The following ACACB variants were observed in gnomAD, a reference collection of about 807,000 sequenced individuals.
The protein encoded by ACACB is acetyl-CoA carboxylase beta, also known as acetyl-CoA carboxylase 2.
ACACB carries 209 observed loss-of-function variants against 278.8 expected under a neutral mutation model. The ratio of observed to expected loss-of-function variants is 0.75; its 90% CI spans 0.67 to 0.84. The LOEUF (loss-of-function observed/expected upper bound fraction) is 0.84, where lower values mean the gene tolerates loss of function less well. Among genes scored for constraint, ACACB ranks in the 40% least tolerant of loss-of-function variants. The pLI is 0.00. For missense variants in ACACB, 2,850 were observed against 3,269.0 expected, an observed-to-expected ratio of 0.87 and a Z score of 3.13; for synonymous variants, 1,174 against 1,285.6, an observed-to-expected ratio of 0.91 and a Z score of 1.86.
intron 1 of ACACB, among the ~76,000 whole-genome samples, chr12:109,130,415 G>GT (rs2042793923): frequency 6.6e-6 from 1 of 152,202 alleles, no homozygotes; most frequent in Admixed American, 6.5e-5. Context: ...AAGGTGCCCG[G>GT]TGACAGTTGA....
At chr12:109,214,273 A>G (rs998504690) in intron 22 of ACACB, among the ~76,000 whole-genome samples, 1 of 152,134 alleles carries the variant, frequency 6.6e-6, no homozygotes, top group African/African-American at 2.4e-5. Context: ...ATGAAAAAGA[A>G]AAAAGGAATC....
At chr12:109,237,124 T>TACAC (rs1299460757) in intron 33 of ACACB, 41 bp from the exon 34 acceptor site, 1 of 1,600,918 alleles carries the variant, frequency 6.2e-7, no homozygotes, top group Non-Finnish European at 8.6e-7. Context: ...CGTCACGCTG[T>TACAC]GTGTGTATGT....
chr12:109,229,412 A>G (rs778828832), intron 28 of ACACB, among the ~76,000 whole-genome samples: 33 of 152,146 alleles, frequency 2.2e-4, no homozygotes, highest in Non-Finnish European at 4.0e-4. Flanking sequence ...TCCTTTCCAC[A>G]GCATTCAGGG....
intron 21 of ACACB, among the ~76,000 whole-genome samples, chr12:109,210,103 G>GTGTA (rs1565926285): frequency 2.0e-4 from 12 of 61,144 alleles, no homozygotes; most frequent in African/African-American, 7.7e-4. Flanking sequence ...ACATGTGTGT[G>GTGTA]TATATGTATA....
Position 109,130,773 on chromosome 12 carries a change from G to A in ACACB, c.-9-8624G>A, listed in dbSNP as rs12305998. Among the ~76,000 whole-genome samples the A allele has an allele frequency of 3.8e-3, 579 of 152,232 alleles. 4 individuals carry two copies. Among genetic ancestry groups the A allele is most frequent in the African/African-American group, 0.013 (528 of 41,534 alleles). On this transcript the variant is annotated intron_variant, in intron 1 of 52. Transcript: ENST00000338432. ...CTCTGAATTTGCAAAAGGACATTGC[G>A]CCACTTGCTGAAGGGCCCCTGACCA...
chr12:109,189,554 G>A (rs770110136), intron 13 of ACACB, among the ~76,000 whole-genome samples: 6 of 152,104 alleles, frequency 3.9e-5, no homozygotes, highest in Admixed American at 2.0e-4. Context: ...AACTGTCCTC[G>A]TTTTCCTGGC....
At chr12:109,205,258 T>C (rs1349454235) in intron 19 of ACACB, among the ~76,000 whole-genome samples, 1 of 152,146 alleles carries the variant, frequency 6.6e-6, no homozygotes, top group African/African-American at 2.4e-5. Flanking sequence ...CAGCACACAT[T>C]TCCTGTGCTG....
At chr12:109,126,743 A>G (rs2042690069) in intron 1 of ACACB, among the ~76,000 whole-genome samples, 1 of 152,182 alleles carries the variant, frequency 6.6e-6, no homozygotes, top group Non-Finnish European at 1.5e-5. Context: ...GTTTGTCTCA[A>G]CAGGCATTAA....
At chr12:109,137,734 T>C (rs1433951859) in intron 1 of ACACB, among the ~76,000 whole-genome samples, 2 of 151,944 alleles carry the variant, frequency 1.3e-5, no homozygotes, top group African/African-American at 4.8e-5. Context: ...ATGCTTCTAG[T>C]ATATAATTGT....
intron 2 of ACACB, among the ~76,000 whole-genome samples, chr12:109,153,252 GT>G (rs2136087693): frequency 6.6e-6 from 1 of 152,266 alleles, no homozygotes; most frequent in East Asian, 1.9e-4. Context: ...GCCCCCCAAA[GT>G]GCTGGGATTA....
At chr12:109,164,580 C>T (rs1402951717) in intron 2 of ACACB, among the ~76,000 whole-genome samples, 1 of 151,790 alleles carries the variant, frequency 6.6e-6, no homozygotes, top group Non-Finnish European at 1.5e-5. Flanking sequence ...AATGTGAGGG[C>T]AGGAGAAAGG....
intron 48 of ACACB, among the ~76,000 whole-genome samples, chr12:109,261,132 G>C (rs1226356994): frequency 6.6e-6 from 1 of 152,184 alleles, no homozygotes; most frequent in Non-Finnish European, 1.5e-5. Context: ...GATTCTTACA[G>C]AAAGGATGAT....
chr12:109,265,431 G>A lies in ACACB; in HGVS notation c.7156G>A (p.Glu2386Lys). The change falls in exon 52 of 53, where the codon GAA (glutamate) becomes AAA (lysine). Residue 2386 changes from glutamate (E) to lysine (K), a missense_variant. Glu to Lys is a moderately conservative substitution (Grantham distance 56). This residue lies in a region of ACACB where 579 missense variants were observed against 684.6 expected (regional missense o/e 0.85). Transcript: ENST00000338432. ...CAACCAGGTGGTTGTGCAGTGGCTG[G>A]AACAGCACTGGCAGGCAGGGGATGG... Reference protein sequence around the residue: ...DNNQVVVQWLEQHWQAGDGPR... With the variant: ...DNNQVVVQWLKQHWQAGDGPR... 2 of 1,613,726 alleles carry A rather than the reference G, an allele frequency of 1.2e-6. No homozygotes were observed. The highest frequency in any genetic ancestry group is 1.7e-6 in the Non-Finnish European group (2 of 1,179,896).
chr12:109,175,816 C>T, intron 7 of ACACB, 115 bp from the exon 8 acceptor site: 1 of 805,952 alleles, frequency 1.2e-6, no homozygotes, highest in Non-Finnish European at 2.1e-6. Context: ...CTGTATTCCG[C>T]TGGTCCAGAA....
intron 1 of ACACB, among the ~76,000 whole-genome samples, chr12:109,122,035 G>A (rs1054186553): frequency 6.6e-6 from 1 of 152,182 alleles, no homozygotes; most frequent in Non-Finnish European, 1.5e-5. Flanking sequence ...GGACAGAAGT[G>A]GGGGCAGGGA....
intron 20 of ACACB, among the ~76,000 whole-genome samples, chr12:109,207,976 G>A (rs193227810): frequency 1.1e-4 from 16 of 152,052 alleles, no homozygotes; most frequent in Admixed American, 7.2e-4. Flanking sequence ...CACCGTGCCC[G>A]CTGTGTCACC....
intron 26 of ACACB, among the ~76,000 whole-genome samples, chr12:109,223,437 C>A (rs1479092757): frequency 2.0e-5 from 3 of 152,126 alleles, no homozygotes; most frequent in Admixed American, 2.0e-4. Context: ...CTCCCACCGC[C>A]CCCACTCATC....
intron 5 of ACACB, 24 bp downstream of exon 5, chr12:109,171,938 T>G (rs2044131425): frequency 6.3e-7 from 1 of 1,585,280 alleles, no homozygotes; most frequent in Middle Eastern, 1.7e-4. Context: ...GGTGCCCAAG[T>G]GTGGCCCCTG....
At chr12:109,262,978 A>ATATATATATATATATATATG (rs1565985896) in intron 49 of ACACB, 1 of 136,576 alleles carries the variant, frequency 7.3e-6, no homozygotes, top group African/African-American at 2.7e-5. Context: ...ATATATATAT[A>ATATATATATATATATATATG]TATATTGCCA....
Sources: allele counts gnomAD v4.1 joint callset (sites outside exome capture counted in the v4.1 genomes callset), GRCh38; gene constraint gnomAD v4.1.1; regional missense constraint gnomAD v4.1.1; transcripts MANE v1.5; gene names NCBI Gene and HGNC (gene_info 2026-07-23, HGNC 2026-07-21).